Variants in NXPE2 observed in about 807,000 individuals in gnomAD.
The protein encoded by NXPE2 is NXPE family member 2.
Under a neutral mutation model 34.4 loss-of-function variants are expected in NXPE2, and 34 were observed. The observed-to-expected ratio is 0.99, with a 90% CI of 0.75 to 1.31. The LOEUF is 1.31. Ranked by LOEUF, NXPE2 falls within the 40% of genes most tolerant of loss-of-function variation. NXPE2 has a pLI of 0.00. For missense variants in NXPE2, 649 were observed against 672.5 expected (o/e 0.97, Z 0.39); for synonymous variants, 235 against 231.3 (o/e 1.02, Z -0.15).
At chr11:114,533,242 C>A in the NXPE2 span, among the ~76,000 whole-genome samples, 2,658 of 152,042 alleles carry the variant, frequency 0.017, 61 homozygotes, top group African/African-American at 0.057. Context: ...AGCAAGAAGC[C>A]GAATACAAAA....
chr11:114,773,273 A>ACCCCCCCCCCCCCCCC, the NXPE2 span, among the ~76,000 whole-genome samples: 1 of 37,274 alleles, frequency 2.7e-5, no homozygotes, highest in Non-Finnish European at 5.7e-5. Context: ...TACACAACCC[A>ACCCCCCCCCCCCCCCC]CTCCCACCCC....
chr11:114,698,584 C>A lies in NXPE2; in HGVS notation c.672C>A (p.Ser224Arg). 1 of 1,614,182 alleles carries A rather than the reference C, an allele frequency of 6.2e-7. No individual in the cohort carries two copies. The highest frequency in any genetic ancestry group is 8.5e-7 in the Non-Finnish European group (1 of 1,180,024). Residue 224 changes from serine to arginine, a missense_variant, in exon 3 of 6, where the codon AGC becomes AGA. Coordinates refer to ENST00000389586, the MANE Select transcript of NXPE2 (RefSeq NM_182495.6). The stretch of plus-strand genomic sequence containing the variant: ...TCACTGGCCTGTTTGCCAACAGAAG[C>A]TCCAATGTCTTCACTGAATGTGGCC... ...IIFTGLFANRSSNVFTECGLT... is the reference protein window; with the variant it reads ...IIFTGLFANRRSNVFTECGLT...
In NXPE2 at chr11:114,691,702, T is replaced by C. The variant is rs538996578; in HGVS notation, c.133-6343T>C. 2.6e-5 allele frequency among the ~76,000 whole-genome samples: 4 copies of C among 152,330 alleles called. No homozygotes were observed. The East Asian group carries it at 7.7e-4, about 29-fold the overall frequency. ...CTCCTCTCCACGTCCATTCCTGGGC[T>C]TTGGTGATGCCACCTTCAGTAGTTG... On this transcript the variant is annotated intron_variant, in intron 2 of 5. Coordinates refer to ENST00000389586, the MANE Select transcript of NXPE2 (RefSeq NM_182495.6).
the NXPE2 span, among the ~76,000 whole-genome samples, chr11:114,646,651 T>A: frequency 2.6e-5 from 4 of 152,100 alleles, no homozygotes; most frequent in Non-Finnish European, 4.4e-5. Flanking sequence ...CACCACCAAA[T>A]ACCATTAAAA....
the NXPE2 span, among the ~76,000 whole-genome samples, chr11:114,465,149 A>T: frequency 6.6e-6 from 1 of 152,336 alleles, no homozygotes; most frequent in Middle Eastern, 3.4e-3. Flanking sequence ...ATGTGTGTTC[A>T]TCCTAAGATC....
chr11:114,778,724 A>G, the NXPE2 span, among the ~76,000 whole-genome samples: 5 of 152,324 alleles, frequency 3.3e-5, no homozygotes, highest in Admixed American at 2.6e-4. Context: ...GAGCATGTCC[A>G]TCAAAGGCAC....
the NXPE2 span, among the ~76,000 whole-genome samples, chr11:114,780,699 C>T: frequency 6.6e-6 from 1 of 152,160 alleles, no homozygotes; most frequent in Non-Finnish European, 1.5e-5. Context: ...GGAAGGCAAA[C>T]TTGATTCTGA....
chr11:114,516,004 C>T, the NXPE2 span, among the ~76,000 whole-genome samples: 1 of 152,156 alleles, frequency 6.6e-6, no homozygotes, highest in Non-Finnish European at 1.5e-5. Flanking sequence ...TGAGGTTAGT[C>T]CTATCTTATG....
chr11:114,789,008 G>T, the NXPE2 span, among the ~76,000 whole-genome samples: 1 of 152,252 alleles, frequency 6.6e-6, no homozygotes, highest in East Asian at 1.9e-4. Context: ...AATAAGAAAT[G>T]CTTTCTTCTA....
the NXPE2 span, among the ~76,000 whole-genome samples, chr11:114,575,963 A>G: frequency 6.6e-6 from 1 of 152,224 alleles, no homozygotes; most frequent in East Asian, 1.9e-4. Flanking sequence ...CTATAAGGCC[A>G]TAGTCACTGA....
At chr11:114,479,627 G>A in the NXPE2 span, among the ~76,000 whole-genome samples, 1 of 152,088 alleles carries the variant, frequency 6.6e-6, no homozygotes, top group Non-Finnish European at 1.5e-5. Context: ...TGGACACCGA[G>A]TCAGCCATGC....
the NXPE2 span, among the ~76,000 whole-genome samples, chr11:114,481,954 A>G: frequency 2.6e-5 from 4 of 152,196 alleles, no homozygotes; most frequent in South Asian, 2.1e-4. Context: ...TTTTCCTCCT[A>G]CCTCGGCATT....
chr11:114,597,998 A>G, the NXPE2 span, among the ~76,000 whole-genome samples: 1 of 152,268 alleles, frequency 6.6e-6, no homozygotes, highest in African/African-American at 2.4e-5. Context: ...GAGACAAGGT[A>G]AGTCCCTTCC....
the NXPE2 span, among the ~76,000 whole-genome samples, chr11:114,586,997 G>A: frequency 1.3e-5 from 2 of 152,006 alleles, 1 homozygote; most frequent in Admixed American, 1.3e-4. Flanking sequence ...TTTACCCTTG[G>A]TCTGGAGAGC....
At chr11:114,663,189 G>A in the NXPE2 span, among the ~76,000 whole-genome samples, 931 of 152,250 alleles carry the variant, frequency 6.1e-3, 8 homozygotes, top group Non-Finnish European at 8.3e-3. Context: ...TATGACAGCA[G>A]CCACAGGTTG....
At chr11:114,724,245 G>A in the NXPE2 span, among the ~76,000 whole-genome samples, 2 of 152,102 alleles carry the variant, frequency 1.3e-5, no homozygotes, top group Admixed American at 1.3e-4. Context: ...TCTTCCACCA[G>A]ATCCTAACTG....
the NXPE2 span, among the ~76,000 whole-genome samples, chr11:114,568,802 T>C: frequency 5.3e-5 from 8 of 152,216 alleles, no homozygotes; most frequent in Non-Finnish European, 8.8e-5. Flanking sequence ...ATCACTGATG[T>C]GATATGCTTT....
At chr11:114,521,373 A>T in the NXPE2 span, among the ~76,000 whole-genome samples, 25 of 152,278 alleles carry the variant, frequency 1.6e-4, no homozygotes, top group Admixed American at 4.6e-4. Flanking sequence ...AAACTAATCT[A>T]TCTATGGCCA....
the NXPE2 span, among the ~76,000 whole-genome samples, chr11:114,514,545 C>T: frequency 1.3e-5 from 2 of 151,966 alleles, no homozygotes; most frequent in Non-Finnish European, 2.9e-5. Context: ...TGCACCACCA[C>T]ACCCAGCTAA....
Sources: gnomAD v4.1 joint callset for allele counts (sites outside exome capture counted in the v4.1 genomes callset) on GRCh38, gnomAD v4.1.1 for gene constraint, MANE v1.5 for transcripts, NCBI Gene and HGNC (gene_info 2026-07-23, HGNC 2026-07-21) for gene names.